KIAA0232: variants seen among roughly 807,000 people sequenced by gnomAD.
The protein encoded by KIAA0232 is uncharacterized protein KIAA0232.
In KIAA0232, 27 loss-of-function variants were observed where a neutral mutation model predicts 122.0. That is an observed-to-expected ratio of 0.22 (90% CI 0.16 to 0.31). KIAA0232 has a LOEUF of 0.31. KIAA0232 is among the 10% of genes least tolerant of loss of function. The probability of loss-of-function intolerance (pLI) is 1.00; values close to 1 mark genes in which losing one functional copy is unlikely to be tolerated. For missense variants in KIAA0232, 1,551 were observed against 1,634.2 expected, an observed-to-expected ratio of 0.95 and a Z score of 0.88; for synonymous variants, 613 against 587.6, an observed-to-expected ratio of 1.04 and a Z score of -0.63.
At chr4:6,833,525 G>A (rs1036299389) in intron 3 of KIAA0232, among the ~76,000 whole-genome samples, 13 of 152,090 alleles carry the variant, frequency 8.5e-5, no homozygotes, top group African/African-American at 3.1e-4. Flanking sequence ...AGCTGCTCGG[G>A]AGGCTGAGGT....
At chr4:6,832,015 C>CTCT (rs1214620136) in intron 3 of KIAA0232, among the ~76,000 whole-genome samples, 1 of 152,232 alleles carries the variant, frequency 6.6e-6, no homozygotes, top group Non-Finnish European at 1.5e-5. Context: ...CTCAGCAGGG[C>CTCT]TCTGATGCCC....
In KIAA0232 at chr4:6,861,337, G is replaced by A. The variant is rs760391354; in HGVS notation, c.955G>A (p.Ala319Thr). 1.2e-6 allele frequency: 2 copies of A among 1,614,078 alleles called. No homozygotes were observed. Among genetic ancestry groups the A allele is most frequent in the South Asian group, 1.1e-5 (1 of 91,068 alleles). ...GAAGTATGTTAAAGTAAGACACAAG[G>A]CACGAGAGATTCGAAACAAAAAAGG... ...SMKYVKVRHK[A>T]REIRNKKGRN... Residue 319 changes from alanine to threonine, a missense_variant, in exon 7 of 10, where the codon GCA becomes ACA. Ala to Thr is a moderately conservative substitution (Grantham distance 58). Coordinates refer to ENST00000307659, the MANE Select transcript of KIAA0232 (RefSeq NM_014743.3).
At chr4:6,854,592 C>G (rs1720475221) in intron 4 of KIAA0232, among the ~76,000 whole-genome samples, 1 of 152,206 alleles carries the variant, frequency 6.6e-6, no homozygotes, top group Non-Finnish European at 1.5e-5. Context: ...CTGTATGTGG[C>G]TCGCCACTTT....
intron 3 of KIAA0232, among the ~76,000 whole-genome samples, chr4:6,840,451 T>G (rs1485789155): frequency 6.6e-6 from 1 of 152,218 alleles, no homozygotes; most frequent in Admixed American, 6.5e-5. Context: ...CTCCAGTGAC[T>G]GCTGGTGTAT....
intron 9 of KIAA0232, among the ~76,000 whole-genome samples, chr4:6,878,230 C>T (rs1420008374): frequency 1.3e-5 from 2 of 152,074 alleles, no homozygotes; most frequent in African/African-American, 4.8e-5. Context: ...CAAAAATTAG[C>T]CGGGCGTGAT....
chr4:6,832,417 C>T (rs528257902), intron 3 of KIAA0232, among the ~76,000 whole-genome samples: 2 of 148,476 alleles, frequency 1.3e-5, no homozygotes, highest in South Asian at 2.1e-4. Flanking sequence ...GGCGTGATCT[C>T]GGCTCACTGC....
intron 2 of KIAA0232, among the ~76,000 whole-genome samples, chr4:6,813,872 G>A (rs1171763530): frequency 1.3e-5 from 2 of 152,048 alleles, no homozygotes; most frequent in African/African-American, 4.8e-5. Context: ...GGTTTCCTGG[G>A]GGCTGCCATA....
At chr4:6,797,415 C>G (rs1448456918) in intron 1 of KIAA0232, among the ~76,000 whole-genome samples, 1 of 152,150 alleles carries the variant, frequency 6.6e-6, no homozygotes, top group Non-Finnish European at 1.5e-5. Flanking sequence ...AAACTAAAAA[C>G]TTTAAGAAGG....
At chr4:6,836,341 T>G (rs552309744) in intron 3 of KIAA0232, among the ~76,000 whole-genome samples, 79 of 151,640 alleles carry the variant, frequency 5.2e-4, no homozygotes, top group African/African-American at 1.2e-3. Flanking sequence ...GTTTTGTTTT[T>G]TTTTTTTGGC....
chr4:6,795,732 A>G (rs772104134), intron 1 of KIAA0232, among the ~76,000 whole-genome samples: 5 of 152,198 alleles, frequency 3.3e-5, no homozygotes, highest in Non-Finnish European at 7.3e-5. Flanking sequence ...AGCTGGGACT[A>G]TAGGCATGCG....
chr4:6,824,728 G>A lies in KIAA0232; in HGVS notation c.231+44G>A, dbSNP rs1399633209. On this transcript the variant is annotated intron_variant, in intron 3 of 9. Transcript: ENST00000307659. Reference sequence around the variant, plus strand: ...TGTTTTCTGAAAACTGATTGTATCTGTATGTATACATTCCTCTTAAACAAG... The same window carrying A: ...TGTTTTCTGAAAACTGATTGTATCTATATGTATACATTCCTCTTAAACAAG... 3.4e-6 allele frequency: 5 copies of A among 1,490,528 alleles called. No homozygotes were observed. In the East Asian group the frequency reaches 6.8e-5, roughly 20 times the overall value. The allele number at this position is 1,490,528 out of a possible 1,614,324, so 92.3% of individuals were successfully genotyped here. A position where few individuals can be genotyped will look rare whatever the true frequency, so the allele number is the denominator to read the frequency against.
At chr4:6,828,844 A>G (rs1431305733) in intron 3 of KIAA0232, among the ~76,000 whole-genome samples, 1 of 152,148 alleles carries the variant, frequency 6.6e-6, no homozygotes, top group Non-Finnish European at 1.5e-5. Context: ...GTACTTTTTA[A>G]GATCAAAGAC....
intron 1 of KIAA0232, among the ~76,000 whole-genome samples, chr4:6,800,105 T>TA (rs1430354629): frequency 7.9e-6 from 1 of 125,964 alleles, no homozygotes; most frequent in Non-Finnish European, 1.6e-5. Context: ...TCGCCCCGGT[T>TA]AGAGTGCAGT....
At chr4:6,835,868 T>C (rs1322498190) in intron 3 of KIAA0232, among the ~76,000 whole-genome samples, 1 of 152,248 alleles carries the variant, frequency 6.6e-6, no homozygotes, top group Non-Finnish European at 1.5e-5. Flanking sequence ...CAGTCTATTA[T>C]TGATGGACAT....
chr4:6,834,154 C>A (rs1719140908), intron 3 of KIAA0232, among the ~76,000 whole-genome samples: 1 of 152,120 alleles, frequency 6.6e-6, no homozygotes, highest in Non-Finnish European at 1.5e-5. Context: ...TGCAGTGTTT[C>A]TCAGAGCTCA....
chr4:6,844,455 T>G (rs1354966284), intron 4 of KIAA0232, among the ~76,000 whole-genome samples: 1 of 152,158 alleles, frequency 6.6e-6, no homozygotes, highest in Non-Finnish European at 1.5e-5. Flanking sequence ...TTTTCTTTTT[T>G]TGAGACGACA....
chr4:6,785,813 T>C (rs1716596346), intron 1 of KIAA0232, among the ~76,000 whole-genome samples: 1 of 152,226 alleles, frequency 6.6e-6, no homozygotes, highest in South Asian at 2.1e-4. Flanking sequence ...TACTTTATCT[T>C]GTCCTCTTTG....
At chr4:6,812,676 T>A (rs773534923) in intron 2 of KIAA0232, among the ~76,000 whole-genome samples, 23 of 152,186 alleles carry the variant, frequency 1.5e-4, no homozygotes, top group Middle Eastern at 6.8e-3. Context: ...AAGAAAGAAG[T>A]GCTGTGGTAC....
intron 7 of KIAA0232, among the ~76,000 whole-genome samples, chr4:6,865,435 G>C (rs546348292): frequency 6.6e-6 from 1 of 152,196 alleles, no homozygotes; most frequent in Admixed American, 6.5e-5. Context: ...AAGTAGCTGG[G>C]ATTAAAGGCA....
Sources: allele counts gnomAD v4.1 joint callset (sites outside exome capture counted in the v4.1 genomes callset), GRCh38; gene constraint gnomAD v4.1.1; transcripts MANE v1.5; gene names NCBI Gene and HGNC (gene_info 2026-07-23, HGNC 2026-07-21).